Variants in NLGN1 observed in about 807,000 individuals in gnomAD.
The protein encoded by NLGN1 is neuroligin-1.
Under a neutral mutation model 65.5 loss-of-function variants are expected in NLGN1, and 12 were observed. That is an observed-to-expected ratio of 0.18 (90% CI 0.12 to 0.30). The LOEUF is 0.30. NLGN1 is among the 10% of genes least tolerant of loss of function. NLGN1 has a pLI of 1.00. For missense variants in NLGN1, 750 were observed against 1,007.1 expected (o/e 0.74, Z 3.46); for synonymous variants, 350 against 359.5 (o/e 0.97, Z 0.30).
At chr3:173,472,761 C>T (rs564984962) in intron 2 of NLGN1, among the ~76,000 whole-genome samples, 1 of 152,126 alleles carries the variant, frequency 6.6e-6, no homozygotes, top group Admixed American at 6.6e-5. Flanking sequence ...TTAATTACTG[C>T]GACTATAGCA....
At chr3:173,415,890 A>AATATATATATATATATATATATAT (rs149873787) in intron 1 of NLGN1, among the ~76,000 whole-genome samples, 16 of 134,896 alleles carry the variant, frequency 1.2e-4, no homozygotes, top group African/African-American at 5.1e-4. Flanking sequence ...GCAAGGAGTA[A>AATATATATATATATATATATATAT]ATATATATAT....
chr3:173,821,177 G>A (rs1211615171), intron 4 of NLGN1, among the ~76,000 whole-genome samples: 1 of 152,088 alleles, frequency 6.6e-6, no homozygotes, highest in Non-Finnish European at 1.5e-5. Flanking sequence ...TTTTTAAGAG[G>A]TGAGGCATAT....
the NLGN1 span, among the ~76,000 whole-genome samples, chr3:174,292,372 A>C: frequency 6.6e-6 from 1 of 151,264 alleles, no homozygotes; most frequent in Non-Finnish European, 1.5e-5. Flanking sequence ...TTTGTCAAAG[A>C]CTTCTAGGAA....
intron 2 of NLGN1, among the ~76,000 whole-genome samples, chr3:173,574,361 A>T (rs1303630902): frequency 6.6e-6 from 1 of 151,970 alleles, no homozygotes; most frequent in Non-Finnish European, 1.5e-5. Context: ...CAAATATAAG[A>T]TCTTGACTTC....
chr3:173,474,851 A>G (rs1725921163), intron 2 of NLGN1, among the ~76,000 whole-genome samples: 1 of 151,954 alleles, frequency 6.6e-6, no homozygotes, highest in Non-Finnish European at 1.5e-5. Flanking sequence ...CTGGCTACTC[A>G]GGAGGCTGAG....
rs145993715 is a variant in NLGN1, at chr3:173,446,569, G to C, written c.-321+11491G>C. ...ATAGCAGCATGATTTACAATCCTTT[G>C]GGTATATACCCAGTTATGGGATGAC... is the stretch of plus-strand genomic sequence containing the variant. On this transcript the variant is annotated intron_variant, in intron 2 of 6. Transcript: ENST00000457714. 3.3e-5 allele frequency among the ~76,000 whole-genome samples: 5 copies of C among 152,236 alleles called. No homozygotes were observed. In the East Asian group the frequency reaches 7.7e-4, roughly 24 times the overall value.
intron 4 of NLGN1, among the ~76,000 whole-genome samples, chr3:173,909,328 C>A (rs1739098389): frequency 6.6e-6 from 1 of 151,692 alleles, no homozygotes; most frequent in Admixed American, 6.6e-5. Flanking sequence ...ATAAATTTTC[C>A]CCGGGGACCT....
At chr3:173,833,047 A>G (rs1722912712) in intron 4 of NLGN1, among the ~76,000 whole-genome samples, 1 of 41,704 alleles carries the variant, frequency 2.4e-5, no homozygotes, top group Non-Finnish European at 5.7e-5. Flanking sequence ...ATATTATTAC[A>G]ATACAATAAA....
At chr3:174,017,324 T>C (rs1726782401) in intron 4 of NLGN1, among the ~76,000 whole-genome samples, 1 of 152,194 alleles carries the variant, frequency 6.6e-6, no homozygotes, top group Non-Finnish European at 1.5e-5. Context: ...TTGAACATTT[T>C]ATTCAAAGCC....
At chr3:173,590,723 G>A (rs1748343959) in intron 2 of NLGN1, among the ~76,000 whole-genome samples, 1 of 152,146 alleles carries the variant, frequency 6.6e-6, no homozygotes, top group African/African-American at 2.4e-5. Context: ...ATAATCAGTA[G>A]TTATTTGAAT....
chr3:174,134,419 A>G lies in NLGN1; in HGVS notation c.647-140896A>G, dbSNP rs564240165. Among the ~76,000 whole-genome samples the G allele has an allele frequency of 4.3e-4, 65 of 152,316 alleles. 1 individual carries two copies. The highest frequency in any genetic ancestry group is 1.4e-3 in the African/African-American group (59 of 41,578). ...GCAATTTATTTAGCCAAAACATTAA[A>G]TAAATCATCTGGGGGAGCTTTATAA... On this transcript the variant is annotated intron_variant, in intron 4 of 6. Transcript: ENST00000457714.
At chr3:173,655,889 C>T (rs1759947284) in intron 3 of NLGN1, among the ~76,000 whole-genome samples, 1 of 152,002 alleles carries the variant, frequency 6.6e-6, no homozygotes, top group South Asian at 2.1e-4. Flanking sequence ...GGACAAAATG[C>T]ACAGACAAAG....
chr3:173,846,812 C>T (rs1725878325), intron 4 of NLGN1, among the ~76,000 whole-genome samples: 1 of 152,294 alleles, frequency 6.6e-6, no homozygotes, highest in South Asian at 2.1e-4. Flanking sequence ...CTGTGTGTCA[C>T]TGAATTCACA....
chr3:174,080,922 GGTGT>G lies in NLGN1; in HGVS notation c.647-194361_647-194358del, dbSNP rs571057944. Among the ~76,000 whole-genome samples, 545 of 141,192 alleles carry G rather than the reference GGTGT, an allele frequency of 3.9e-3. 3 individuals carry two copies. Among genetic ancestry groups the G allele is most frequent in the African/African-American group, 0.012 (439 of 37,442 alleles). 92.6% of individuals were successfully genotyped at this position (141,192 alleles called of 152,430 possible). On this transcript the variant is annotated intron_variant, in intron 4 of 6. Coordinates refer to ENST00000457714, the Ensembl canonical transcript of NLGN1. ...AATTTGATGGTCGCCTGACATTCCT[GGTGT>G]GTGTGTGTGTGTGTGTGTGTGTGTG...
rs537094669 is a variant in NLGN1 at position 173,932,882 on chromosome 3, T to C, written c.646+125050T>C. On this transcript the variant is annotated intron_variant, in intron 4 of 6. Coordinates refer to ENST00000457714, the Ensembl canonical transcript of NLGN1. The stretch of plus-strand genomic sequence containing the variant: ...GGCTGCCCCAGGAGGTGCTGTATTA[T>C]AGCTTAGCTCATGTGTAAGTGTAAG... Among the ~76,000 whole-genome samples the C allele has an allele frequency of 2.6e-4, 39 of 152,298 alleles. 1 individual carries two copies. In the South Asian group the frequency reaches 7.9e-3, roughly 31 times the overall value.
rs140838826 is a variant in NLGN1, at chr3:173,436,902, A to G, written c.-321+1824A>G. On this transcript the variant is annotated intron_variant, in intron 2 of 6. Transcript: ENST00000457714. ...GCTCTAACTGTACTCCAGTAACACT[A>G]TTTTTCTCTTGCCCTTAGGCCAGTC... Among the ~76,000 whole-genome samples the G allele has an allele frequency of 5.3e-5, 8 of 152,128 alleles. No homozygotes were observed. The East Asian group carries it at 1.5e-3, about 29-fold the overall frequency.
chr3:173,516,894 G>T (rs1733903202), intron 2 of NLGN1, among the ~76,000 whole-genome samples: 1 of 151,992 alleles, frequency 6.6e-6, no homozygotes, highest in African/African-American at 2.4e-5. Context: ...AATACAAATT[G>T]ATTAGCTTTA....
chr3:173,878,765 G>C (rs545701086), intron 4 of NLGN1, among the ~76,000 whole-genome samples: 1 of 149,612 alleles, frequency 6.7e-6, no homozygotes, highest in Non-Finnish European at 1.5e-5. Flanking sequence ...TAGGTAATAG[G>C]GATATAGCAG....
intron 2 of NLGN1, among the ~76,000 whole-genome samples, chr3:173,582,039 T>A (rs1187507871): frequency 6.6e-6 from 1 of 152,034 alleles, no homozygotes. Flanking sequence ...TATATAGGTA[T>A]GTGATCAAAT....
Sources: gnomAD v4.1 joint callset for allele counts (sites outside exome capture counted in the v4.1 genomes callset) on GRCh38, gnomAD v4.1.1 for gene constraint, MANE v1.5 for transcripts, NCBI Gene and HGNC (gene_info 2026-07-23, HGNC 2026-07-21) for gene names.